Variants in NF1 observed in about 807,000 individuals in gnomAD.
The protein encoded by NF1 is neurofibromin 1, also known as neurofibromin.
A neutral mutation model predicts 325.7 loss-of-function variants in NF1; 122 were observed. The ratio of observed to expected loss-of-function variants is 0.37; its 90% CI spans 0.32 to 0.44. The LOEUF is 0.44. NF1 is among the 20% of genes least tolerant of loss of function. The pLI, the probability that NF1 is intolerant of heterozygous loss-of-function variation, is 1.00. For missense variants in NF1, 2,140 were observed against 3,415.4 expected, an observed-to-expected ratio of 0.63 and a Z score of 9.31; for synonymous variants, 1,091 against 1,186.0, an observed-to-expected ratio of 0.92 and a Z score of 1.65.
chr17:31,292,241 T>C (rs2068357733), intron 36 of NF1, among the ~76,000 whole-genome samples: 1 of 152,124 alleles, frequency 6.6e-6, no homozygotes, highest in Non-Finnish European at 1.5e-5. Context: ...TATAGGTATG[T>C]GTATATCTGT....
chr17:31,244,316 G>T (rs1037046376), intron 29 of NF1, among the ~76,000 whole-genome samples: 17 of 152,146 alleles, frequency 1.1e-4, no homozygotes, highest in African/African-American at 4.1e-4. Flanking sequence ...TCCCTTGGTT[G>T]CCCTGGCTGT....
intron 17 of NF1, among the ~76,000 whole-genome samples, chr17:31,225,460 TC>T (rs1164490664): frequency 6.6e-6 from 1 of 152,128 alleles, no homozygotes; most frequent in African/African-American, 2.4e-5. Context: ...CAGTAATAGT[TC>T]CTGCCCCAGA....
At chr17:31,249,715 T>C (rs972876035) in intron 30 of NF1, among the ~76,000 whole-genome samples, 11 of 152,236 alleles carry the variant, frequency 7.2e-5, no homozygotes, top group African/African-American at 2.7e-4. Context: ...GCCATAGTCA[T>C]GGCCTTCTTT....
chr17:31,273,725 G>A (rs975548630), intron 36 of NF1: 1 of 152,176 alleles, frequency 6.6e-6, no homozygotes, highest in Non-Finnish European at 1.5e-5. Context: ...CTCTTTGGAA[G>A]TATCCAACTG....
chr17:31,301,739 C>A (rs939543051), intron 36 of NF1, among the ~76,000 whole-genome samples: 1 of 152,184 alleles, frequency 6.6e-6, no homozygotes, highest in Non-Finnish European at 1.5e-5. Flanking sequence ...CACTTACTTT[C>A]TCTGGTCCTG....
chr17:31,255,430 A>G (rs1490199864), intron 31 of NF1, among the ~76,000 whole-genome samples: 1 of 151,994 alleles, frequency 6.6e-6, no homozygotes, highest in Non-Finnish European at 1.5e-5. Context: ...AAAAAAAAAC[A>G]GTCCTTTTAT....
intron 1 of NF1, chr17:31,136,244 A>G (rs7212904): frequency 0.55 from 81,701 of 149,478 alleles, 25,806 homozygotes; most frequent in Middle Eastern, 0.76. Flanking sequence ...CAGGAGAATG[A>G]CGTGAACCTG....
At chr17:31,330,761 A>C (rs2069461329) in intron 39 of NF1, 1 of 383,480 alleles carries the variant, frequency 2.6e-6, no homozygotes, top group South Asian at 5.2e-5. Flanking sequence ...TGGACCACTT[A>C]CAAAGTATTT....
chr17:31,255,547 T>C (rs559298716), intron 31 of NF1, among the ~76,000 whole-genome samples: 83 of 152,350 alleles, frequency 5.4e-4, no homozygotes, highest in African/African-American at 1.9e-3. Context: ...TATATTTATA[T>C]GATACATGAG....
chr17:31,099,783 A>G (rs1269603332), intron 1 of NF1, among the ~76,000 whole-genome samples: 1 of 150,404 alleles, frequency 6.6e-6, no homozygotes, highest in Non-Finnish European at 1.5e-5. Flanking sequence ...CTGGTCTCCA[A>G]CTCCTGGCTT....
chr17:31,357,878 T>A (rs1208612245), intron 54 of NF1: 1 of 165,116 alleles, frequency 6.1e-6, no homozygotes, highest in Non-Finnish European at 1.3e-5. Flanking sequence ...TTTCTTTTTT[T>A]AATCTCATGT....
rs749460130 is a variant in NF1 at position 31,356,995 on chromosome 17, C to A, written c.7774C>A (p.His2592Asn). 5.0e-6 allele frequency: 8 copies of A among 1,613,970 alleles called. No homozygotes were observed. The East Asian group carries it at 1.8e-4, about 36-fold the overall frequency. Residue 2592 changes from histidine to asparagine, a missense_variant, in exon 53 of 58, where the codon CAT becomes AAT. Transcript: ENST00000358273. ...GATTTCCTCATCACAACAGCACCCA[C>A]ATTTACGTAAAGTTTCAGTGTCTGA... ...QRISSSQQHPHLRKVSVSESN... is the reference protein window; with the variant it reads ...QRISSSQQHPNLRKVSVSESN...
chr17:31,339,789 G>A (rs1484218831), intron 46 of NF1, among the ~76,000 whole-genome samples: 1 of 152,176 alleles, frequency 6.6e-6, no homozygotes, highest in Non-Finnish European at 1.5e-5. Context: ...AGCAGCAAGA[G>A]ATTACCATAC....
At chr17:31,211,185 G>C (rs1276740640) in intron 12 of NF1, among the ~76,000 whole-genome samples, 2 of 152,094 alleles carry the variant, frequency 1.3e-5, no homozygotes, top group Non-Finnish European at 2.9e-5. Context: ...CTCATCTTTG[G>C]CCAGATCACA....
At chr17:31,249,284 C>G (rs2067454172) in intron 30 of NF1, among the ~76,000 whole-genome samples, 165 bp downstream of exon 30, 1 of 152,104 alleles carries the variant, frequency 6.6e-6, no homozygotes, top group Non-Finnish European at 1.5e-5. Flanking sequence ...TTGAAAAAAA[C>G]TTAAATATTA....
intron 36 of NF1, among the ~76,000 whole-genome samples, chr17:31,292,392 T>C (rs181838953): frequency 6.4e-4 from 97 of 152,296 alleles, no homozygotes; most frequent in Non-Finnish European, 1.1e-3. Flanking sequence ...AGAATATAAT[T>C]TCTTTGGAAG....
chr17:31,285,116 C>G (rs1301894628), intron 36 of NF1, among the ~76,000 whole-genome samples: 1 of 151,452 alleles, frequency 6.6e-6, no homozygotes, highest in Non-Finnish European at 1.5e-5. Flanking sequence ...GAGACTCCAT[C>G]TTAATAAATA....
intron 36 of NF1, chr17:31,317,599 T>C (rs2069057740): frequency 6.6e-6 from 1 of 152,218 alleles, no homozygotes; most frequent in Non-Finnish European, 1.5e-5. Flanking sequence ...TTAGTTGTGC[T>C]CTATTTCTTA....
Position 31,295,538 on chromosome 17 carries a change from T to A in NF1, c.4835+30199T>A, listed in dbSNP as rs1475246669. 3 of 1,614,002 alleles carry A rather than the reference T, an allele frequency of 1.9e-6. No individual in the cohort carries two copies. In the African/African-American group the frequency reaches 4.0e-5, roughly 22 times the overall value. On this transcript the variant is annotated intron_variant, in intron 36 of 57. Transcript: ENST00000358273. ...AAATCCAGAAGGTGTGGGATACATG[T>A]TATGTTCCTTTAAAGATGATATTTG... is the stretch of plus-strand genomic sequence containing the variant.
Sources: gnomAD v4.1 joint callset for allele counts (sites outside exome capture counted in the v4.1 genomes callset) on GRCh38, gnomAD v4.1.1 for gene constraint, MANE v1.5 for transcripts, NCBI Gene and HGNC (gene_info 2026-07-23, HGNC 2026-07-21) for gene names.